The following CCSER1 variants were observed in gnomAD, a reference collection of about 807,000 sequenced individuals.
The protein encoded by CCSER1 is serine-rich coiled-coil domain-containing protein 1.
CCSER1 carries 41 observed loss-of-function variants against 82.0 expected under a neutral mutation model. The observed-to-expected ratio is 0.50, with a 90% CI of 0.39 to 0.65. CCSER1 has a LOEUF of 0.65. Ranked by LOEUF, CCSER1 falls within the 30% of genes least tolerant of loss-of-function variation. The pLI, the probability that CCSER1 is intolerant of heterozygous loss-of-function variation, is 0.00. For missense variants in CCSER1, 1,119 were observed against 1,064.2 expected, an observed-to-expected ratio of 1.05 and a Z score of -0.72; for synonymous variants, 414 against 383.9, an observed-to-expected ratio of 1.08 and a Z score of -0.92.
chr4:91,228,210 G>A (rs540214724), intron 10 of CCSER1, among the ~76,000 whole-genome samples: 187 of 151,910 alleles, frequency 1.2e-3, no homozygotes, highest in Non-Finnish European at 2.4e-3. Flanking sequence ...CCTGCTACTC[G>A]GTTTCTTAAA....
chr4:91,597,472 A>AT (rs1460506173), intron 10 of CCSER1, among the ~76,000 whole-genome samples: 1 of 152,140 alleles, frequency 6.6e-6, no homozygotes, highest in Non-Finnish European at 1.5e-5. Context: ...TGTATGAAGA[A>AT]AAGAGAAAAG....
At position 90,597,031 on chromosome 4, in the gene CCSER1, A is replaced by G. The variant is rs574964057; in HGVS notation, c.1725-30994A>G. ...AAATTATTCTCAGTCATGATTAGTT[A>G]GTGCTAATTCAATCTATTAAGTTAC... On this transcript the variant is annotated intron_variant, in intron 5 of 10. Coordinates refer to ENST00000509176, the MANE Select transcript of CCSER1 (RefSeq NM_001145065.2). 3.5e-4 allele frequency among the ~76,000 whole-genome samples: 54 copies of G among 152,124 alleles called. 1 individual carries two copies. The South Asian group carries it at 9.9e-3, about 28-fold the overall frequency.
At chr4:90,691,614 G>GTA (rs566802555) in intron 6 of CCSER1, among the ~76,000 whole-genome samples, 104 of 141,270 alleles carry the variant, frequency 7.4e-4, no homozygotes, top group African/African-American at 2.1e-3. Context: ...TATATCACAT[G>GTA]TATATATGTG....
intron 6 of CCSER1, among the ~76,000 whole-genome samples, chr4:90,667,661 AGAACATGAACCCATACTCTT>A (rs912036209): frequency 3.9e-5 from 6 of 152,148 alleles, no homozygotes; most frequent in African/African-American, 1.4e-4. Flanking sequence ...GTCCCTGCAA[AGAACATGAACCCATACTCTT>A]TCATGGTTGC....
At chr4:90,810,013 T>G (rs1018360782) in intron 7 of CCSER1, among the ~76,000 whole-genome samples, 3 of 152,216 alleles carry the variant, frequency 2.0e-5, no homozygotes, top group Admixed American at 6.5e-5. Flanking sequence ...TGTTTTTGGT[T>G]GTTGTTGTTC....
In CCSER1 at chr4:91,601,883, A is replaced by G. The variant is rs1412215167; in HGVS notation, c.*2826A>G. On this transcript the variant is annotated 3_prime_UTR_variant, in exon 11 of 11. Coordinates refer to ENST00000509176, the MANE Select transcript of CCSER1 (RefSeq NM_001145065.2). ...TTTCCACCTGAAATAAACTGTTCCCATTTTTATAATTATTGGAACATGAAA... is the reference window on the plus strand; with the variant it reads ...TTTCCACCTGAAATAAACTGTTCCCGTTTTTATAATTATTGGAACATGAAA... 2 of 152,064 alleles carry G rather than the reference A, an allele frequency of 1.3e-5. No homozygotes were observed. Among genetic ancestry groups the G allele is most frequent in the Non-Finnish European group, 2.9e-5 (2 of 67,946 alleles). 9.4% of individuals were successfully genotyped at this position (152,064 alleles called of 1,614,324 possible).
intron 10 of CCSER1, among the ~76,000 whole-genome samples, chr4:91,330,562 C>T (rs928575619): frequency 3.9e-5 from 6 of 152,108 alleles, no homozygotes; most frequent in Non-Finnish European, 5.9e-5. Context: ...CTTCCCCTTG[C>T]GGAAGCAACA....
At chr4:90,970,452 A>T (rs1355679478) in intron 9 of CCSER1, among the ~76,000 whole-genome samples, 1 of 152,064 alleles carries the variant, frequency 6.6e-6, no homozygotes, top group Admixed American at 6.6e-5. Context: ...CCAAATATAT[A>T]AAGCAAACAT....
intron 1 of CCSER1, among the ~76,000 whole-genome samples, chr4:90,296,536 C>T (rs1257178557): frequency 6.6e-6 from 1 of 152,082 alleles, no homozygotes; most frequent in Non-Finnish European, 1.5e-5. Context: ...GTTGCCATTG[C>T]TTTTGGTGCT....
intron 10 of CCSER1, among the ~76,000 whole-genome samples, chr4:91,138,887 T>TA (rs1169049264): frequency 6.6e-6 from 1 of 152,216 alleles, no homozygotes; most frequent in Non-Finnish European, 1.5e-5. Flanking sequence ...AAATAAGTTC[T>TA]ACCTTTATTT....
intron 6 of CCSER1, among the ~76,000 whole-genome samples, chr4:90,691,573 G>A (rs533434863): frequency 2.0e-4 from 31 of 151,486 alleles, no homozygotes; most frequent in African/African-American, 7.5e-4. Flanking sequence ...TATATCACAT[G>A]TATAATGCAT....
chr4:90,724,214 T>G (rs2149377307), intron 7 of CCSER1, among the ~76,000 whole-genome samples: 1 of 152,128 alleles, frequency 6.6e-6, no homozygotes, highest in Admixed American at 6.6e-5. Context: ...TTGTTTGTCT[T>G]ACATGTAAAT....
At chr4:90,672,800 A>T (rs1733054617) in intron 6 of CCSER1, among the ~76,000 whole-genome samples, 1 of 151,974 alleles carries the variant, frequency 6.6e-6, no homozygotes, top group Non-Finnish European at 1.5e-5. Flanking sequence ...AATTGGCATA[A>T]TTTAAATATT....
At chr4:90,215,334 C>T (rs1740817928) in intron 1 of CCSER1, among the ~76,000 whole-genome samples, 2 of 152,136 alleles carry the variant, frequency 1.3e-5, no homozygotes, top group African/African-American at 4.8e-5. Flanking sequence ...CTTGAGTGAG[C>T]ATTTAGTGAA....
intron 4 of CCSER1, among the ~76,000 whole-genome samples, chr4:90,440,629 G>A (rs1455497631): frequency 6.6e-6 from 1 of 152,186 alleles, no homozygotes; most frequent in Non-Finnish European, 1.5e-5. Flanking sequence ...GGTAGGCTTT[G>A]TGCAGTGCTG....
intron 5 of CCSER1, among the ~76,000 whole-genome samples, chr4:90,490,703 G>A (rs569771235): frequency 6.6e-6 from 1 of 152,226 alleles, no homozygotes; most frequent in Non-Finnish European, 1.5e-5. Context: ...TTTATATAAG[G>A]TTTAAGGAAG....
chr4:90,137,811 T>C (rs978399680), intron 1 of CCSER1, among the ~76,000 whole-genome samples: 3 of 152,180 alleles, frequency 2.0e-5, no homozygotes, highest in Admixed American at 6.5e-5. Flanking sequence ...ACGTTAATCA[T>C]AGAGTCTGCT....
At chr4:91,432,660 T>C (rs1754397932) in intron 10 of CCSER1, among the ~76,000 whole-genome samples, 1 of 152,174 alleles carries the variant, frequency 6.6e-6, no homozygotes, top group South Asian at 2.1e-4. Context: ...GCTTATTTTA[T>C]AATCATAAAA....
chr4:91,359,910 G>A (rs1749137255), intron 10 of CCSER1, among the ~76,000 whole-genome samples: 1 of 151,792 alleles, frequency 6.6e-6, no homozygotes, highest in Non-Finnish European at 1.5e-5. Context: ...GACAGCCACA[G>A]TGCCAAGTGT....
Sources: allele counts gnomAD v4.1 joint callset (sites outside exome capture counted in the v4.1 genomes callset), GRCh38; gene constraint gnomAD v4.1.1; transcripts MANE v1.5; gene names NCBI Gene and HGNC (gene_info 2026-07-23, HGNC 2026-07-21).